GRIK5: variants seen among roughly 807,000 people sequenced by gnomAD.
The protein encoded by GRIK5 is glutamate receptor ionotropic, kainate 5.
Under a neutral mutation model 97.4 loss-of-function variants are expected in GRIK5, and 43 were observed. That is an observed-to-expected ratio of 0.44 (90% confidence interval 0.35 to 0.57). GRIK5 has a LOEUF of 0.57. Among genes scored for constraint, GRIK5 ranks in the 20% least tolerant of loss-of-function variants. The pLI is 0.01. For synonymous variants in GRIK5, 580 were observed against 583.5 expected (o/e 0.99, Z 0.09); for missense variants, 1,015 against 1,382.0 (o/e 0.73, Z 4.21).
At chr19:42,049,184 G>A (rs2076081339) in intron 11 of GRIK5, among the ~76,000 whole-genome samples, 1 of 152,208 alleles carries the variant, frequency 6.6e-6, no homozygotes. Context: ...CGAGTAGCAA[G>A]TGGAATTTTC....
At chr19:42,037,984 C>T (rs1218493967) in intron 12 of GRIK5, among the ~76,000 whole-genome samples, 1 of 152,232 alleles carries the variant, frequency 6.6e-6, no homozygotes, top group Non-Finnish European at 1.5e-5. Context: ...CGCCATCACA[C>T]CTCCTGCCTC....
At chr19:42,060,312 G>A (rs1268066610) in intron 5 of GRIK5, among the ~76,000 whole-genome samples, 2 of 152,126 alleles carry the variant, frequency 1.3e-5, no homozygotes, top group Non-Finnish European at 2.9e-5. Context: ...TTGGGGGTCA[G>A]CTGTGAGTGA....
chr19:42,004,098 C>T (rs909789855), intron 17 of GRIK5, among the ~76,000 whole-genome samples: 1 of 152,230 alleles, frequency 6.6e-6, no homozygotes, highest in Non-Finnish European at 1.5e-5. Context: ...TGCCCACATG[C>T]TGGCTCCCCA....
chr19:42,013,945 C>T (rs1400058456), intron 15 of GRIK5, among the ~76,000 whole-genome samples: 2 of 150,296 alleles, frequency 1.3e-5, no homozygotes, highest in Non-Finnish European at 2.9e-5. Flanking sequence ...GGGAGGATCA[C>T]TTGAGCCTGG....
At chr19:42,039,862 C>T (rs969576979) in intron 12 of GRIK5, among the ~76,000 whole-genome samples, 1 of 152,068 alleles carries the variant, frequency 6.6e-6, no homozygotes, top group Admixed American at 6.5e-5. Flanking sequence ...TGCCTATAGT[C>T]CCAGCAACTC....
chr19:42,031,881 G>C (rs1488596027), intron 12 of GRIK5, among the ~76,000 whole-genome samples: 1 of 152,148 alleles, frequency 6.6e-6, no homozygotes, highest in Non-Finnish European at 1.5e-5. Context: ...GCCTGTAATC[G>C]TAACACTTTG....
chr19:42,059,278 T>A, intron 6 of GRIK5, 71 bp downstream of exon 6: 1 of 1,232,608 alleles, frequency 8.1e-7, no homozygotes. Context: ...CCCATGGGCA[T>A]TGGGTGACTT....
intron 15 of GRIK5, among the ~76,000 whole-genome samples, chr19:42,013,011 T>C (rs140811869): frequency 6.6e-6 from 1 of 152,172 alleles, no homozygotes; most frequent in East Asian, 1.9e-4. Context: ...TATACTACAA[T>C]GGAAGATTGA....
chr19:42,047,744 T>C (rs1015283674), intron 11 of GRIK5, among the ~76,000 whole-genome samples: 1 of 151,090 alleles, frequency 6.6e-6, no homozygotes, highest in African/African-American at 2.4e-5. Flanking sequence ...CTGAGGCAGG[T>C]GGATTACTTG....
chr19:42,003,319 C>G lies in GRIK5; in HGVS notation c.2514+13G>C. 6.2e-7 allele frequency: 1 copy of G among 1,607,944 alleles called. No homozygotes were observed. Among genetic ancestry groups the G allele is most frequent in the Non-Finnish European group, 8.5e-7 (1 of 1,176,040 alleles). On this transcript the variant is annotated intron_variant, in intron 19 of 19. Transcript: ENST00000593562. This position sits in a 1 kb window ranked among gnomAD's most constrained non-coding sequence, Gnocchi z 4.2. ...TCCCTGTTCCTGCCCACCCCCACCC[C>G]CAGCCTCCTCACCTCCTCGGACTCA...
chr19:42,048,161 T>A (rs1350504256), intron 11 of GRIK5, among the ~76,000 whole-genome samples: 1 of 152,032 alleles, frequency 6.6e-6, no homozygotes, highest in African/African-American at 2.4e-5. Context: ...TCTAAAATCA[T>A]TAACCATAAA....
intron 9 of GRIK5, 105 bp from the exon 10 acceptor site, chr19:42,054,034 C>A: frequency 3.9e-6 from 3 of 764,836 alleles, no homozygotes; most frequent in Non-Finnish European, 2.3e-6. Context: ...ACAGACAGAC[C>A]GGGGTGGAGG....
chr19:42,070,136 C>T lies in GRIK5; in HGVS notation c.-946G>A, dbSNP rs887055911. Among the ~76,000 whole-genome samples, 1 of 152,074 alleles carries T rather than the reference C, an allele frequency of 6.6e-6. No individual in the cohort carries two copies. The highest frequency in any genetic ancestry group is 1.5e-5 in the Non-Finnish European group (1 of 67,976). ...CCTCCCTGCCGCTGGCTGCCGCCACCGCTCAGTCTCCCCTCCGAGGCCGCC... is the reference window on the plus strand; with the variant it reads ...CCTCCCTGCCGCTGGCTGCCGCCACTGCTCAGTCTCCCCTCCGAGGCCGCC... On this transcript the variant is annotated 5_prime_UTR_variant, in exon 1 of 20. Transcript: ENST00000593562.
rs2075984122 is a variant in GRIK5, at chr19:42,042,080, G to A, written c.1473+472C>T. Among the ~76,000 whole-genome samples, 1 of 152,208 alleles carries A rather than the reference G, an allele frequency of 6.6e-6. No individual in the cohort carries two copies. Among genetic ancestry groups the A allele is most frequent in the Non-Finnish European group, 1.5e-5 (1 of 68,030 alleles). On this transcript the variant is annotated intron_variant, in intron 12 of 19. Coordinates refer to ENST00000593562, the MANE Select transcript of GRIK5 (RefSeq NM_002088.5). This position sits in a 1 kb window ranked among gnomAD's most constrained non-coding sequence, Gnocchi z 6.9. ...CTCAATAAACAGCCACTGAATGGGTGAATGTATGAGTTCTACATGCAGCCC... is the reference window on the plus strand; with the variant it reads ...CTCAATAAACAGCCACTGAATGGGTAAATGTATGAGTTCTACATGCAGCCC...
rs1303230827 is a variant in GRIK5 at position 42,042,461 on chromosome 19, G to A, written c.1473+91C>T. 2.6e-6 allele frequency: 3 copies of A among 1,137,120 alleles called. No homozygotes were observed. Among genetic ancestry groups the A allele is most frequent in the African/African-American group, 1.5e-5 (1 of 65,700 alleles). 70.4% of individuals were successfully genotyped at this position (1,137,120 alleles called of 1,614,324 possible). Reference sequence around the variant, plus strand: ...TCCTTCCTCTTCTGCCACCAGCCAGGCTGCTTCTGAGGTTCGACTGGCTGC... The same window carrying A: ...TCCTTCCTCTTCTGCCACCAGCCAGACTGCTTCTGAGGTTCGACTGGCTGC... On this transcript the variant is annotated intron_variant, in intron 12 of 19. Transcript: ENST00000593562. This position sits in a 1 kb window ranked among gnomAD's most constrained non-coding sequence, Gnocchi z 6.9.
At chr19:42,027,268 T>C (rs569311431) in intron 12 of GRIK5, among the ~76,000 whole-genome samples, 2 of 152,340 alleles carry the variant, frequency 1.3e-5, no homozygotes, top group East Asian at 3.9e-4. Flanking sequence ...GATGCTGTTT[T>C]GGATCTGCTC....
At chr19:42,043,855 A>T (rs985749364) in intron 11 of GRIK5, among the ~76,000 whole-genome samples, 2 of 152,146 alleles carry the variant, frequency 1.3e-5, no homozygotes, top group African/African-American at 4.8e-5. Flanking sequence ...GGCTGCAGTG[A>T]GCTATGACTG....
Position 42,059,646 on chromosome 19 carries a change from TG to T in GRIK5, c.509-120del, listed in dbSNP as rs1405384927. On this transcript the variant is annotated intron_variant, in intron 5 of 19. Transcript: ENST00000593562. ...GAGGACTGGAGGGTGTGCAAGGACA[TG>T]GGGCAGCTGGGTCCCATGGGGTAAT... 1.5e-5 allele frequency: 12 copies of T among 793,164 alleles called. 1 individual carries two copies. The highest frequency in any genetic ancestry group is 3.8e-4 in the Middle Eastern group (1 of 2,664). The allele number at this position is 793,164 out of a possible 1,614,324, so 49.1% of individuals were successfully genotyped here.
At position 42,059,473 on chromosome 19, in the gene GRIK5, A is replaced by G; in HGVS notation, c.563T>C (p.Leu188Pro). 1 of 1,613,786 alleles carries G rather than the reference A, an allele frequency of 6.2e-7. No homozygotes were observed. The highest frequency in any genetic ancestry group is 8.5e-7 in the Non-Finnish European group (1 of 1,179,944). ...VRGFLISKET[L>P]SVRMLDDSRD... ...GCTGTCGTCCAACATCCTCACTGAC[A>G]GCGTCTCCTTGGAGATGAGGAAGCC... is the stretch of plus-strand genomic sequence containing the variant. The change falls in exon 6 of 20, where the codon CTG becomes CCG. Residue 188 changes from leucine (L) to proline (P), a missense_variant. This residue lies in a region of GRIK5 where 477 missense variants were observed against 701.1 expected (regional missense o/e 0.68). Transcript: ENST00000593562.
Sources: allele counts gnomAD v4.1 joint callset (sites outside exome capture counted in the v4.1 genomes callset), GRCh38; gene constraint gnomAD v4.1.1; regional missense constraint gnomAD v4.1.1; non-coding constraint Gnocchi (gnomAD v3.1); transcripts MANE v1.5; gene names NCBI Gene and HGNC (gene_info 2026-07-23, HGNC 2026-07-21).